Variants in VPS13B observed in about 807,000 individuals in gnomAD.
VPS13B encodes the protein vacuolar protein sorting 13 homolog B.
VPS13B carries 285 observed loss-of-function variants against 426.4 expected under a neutral mutation model. That is an observed-to-expected ratio of 0.67 (90% confidence interval 0.61 to 0.74). VPS13B has a LOEUF of 0.74. Ranked by LOEUF, VPS13B falls within the 30% of genes least tolerant of loss-of-function variation. VPS13B has a pLI of 0.00. For synonymous variants in VPS13B, 1,676 were observed against 1,676.4 expected (o/e 1.00, Z 0.01); for missense variants, 4,537 against 4,782.6 (o/e 0.95, Z 1.51).
chr8:99,161,901 T>C (rs1811678854), intron 15 of VPS13B, among the ~76,000 whole-genome samples: 1 of 152,004 alleles, frequency 6.6e-6, no homozygotes, highest in South Asian at 2.1e-4. Flanking sequence ...CCCAGCTAAT[T>C]TTTGTATTTT....
chr8:99,645,550 A>G (rs1354407946), intron 34 of VPS13B, among the ~76,000 whole-genome samples: 1 of 152,220 alleles, frequency 6.6e-6, no homozygotes, highest in East Asian at 1.9e-4. Flanking sequence ...ATATCAACAA[A>G]GTCCATTCCA....
At chr8:99,871,128 T>TACA in intron 60 of VPS13B, 2 of 599,950 alleles carry the variant, frequency 3.3e-6, no homozygotes, top group Middle Eastern at 9.1e-4. Flanking sequence ...AGGTCATACA[T>TACA]TGGCAGAGAA....
chr8:99,178,918 G>A lies in VPS13B; in HGVS notation c.2333+8755G>A, dbSNP rs188108650. On this transcript the variant is annotated intron_variant, in intron 16 of 61. Coordinates refer to ENST00000357162, the MANE Select transcript of VPS13B (RefSeq NM_152564.5). ...ATTACAGGTGTGAGCCACTGCGCCC[G>A]CCCTAGACATCTTTTGATTAATTGA... 6.0e-4 allele frequency among the ~76,000 whole-genome samples: 91 copies of A among 152,144 alleles called. No homozygotes were observed. In the South Asian group the frequency reaches 7.1e-3, roughly 12 times the overall value.
chr8:99,519,961 A>T (rs1822286376), intron 29 of VPS13B, among the ~76,000 whole-genome samples: 1 of 152,192 alleles, frequency 6.6e-6, no homozygotes, highest in Non-Finnish European at 1.5e-5. Flanking sequence ...AAAAAAATGT[A>T]AATGTAATGA....
chr8:99,481,453 G>A (rs1820034105), intron 24 of VPS13B, 146 bp from the exon 25 acceptor site: 1 of 891,548 alleles, frequency 1.1e-6, no homozygotes, highest in South Asian at 1.4e-5. Context: ...TCAAGTGTAA[G>A]TTAAAGTGAT....
intron 17 of VPS13B, among the ~76,000 whole-genome samples, chr8:99,195,163 T>C (rs1020491201): frequency 2.0e-5 from 3 of 152,162 alleles, no homozygotes; most frequent in Admixed American, 2.0e-4. Flanking sequence ...CCAATGGTAT[T>C]CTCTTTTTCT....
At chr8:99,372,174 C>T (rs1813221533) in intron 19 of VPS13B, among the ~76,000 whole-genome samples, 1 of 151,156 alleles carries the variant, frequency 6.6e-6, no homozygotes, top group South Asian at 2.1e-4. Context: ...TGGCGTGAAC[C>T]CCAGGGGGCG....
At chr8:99,740,474 G>A (rs538154119) in intron 39 of VPS13B, among the ~76,000 whole-genome samples, 10 of 152,032 alleles carry the variant, frequency 6.6e-5, no homozygotes, top group East Asian at 3.9e-4. Context: ...TACAGAGAAC[G>A]CCACAAAGAT....
intron 31 of VPS13B, among the ~76,000 whole-genome samples, chr8:99,573,094 A>G (rs1397950909): frequency 1.3e-5 from 2 of 152,200 alleles, no homozygotes; most frequent in Non-Finnish European, 2.9e-5. Flanking sequence ...GGCTGCATAA[A>G]TGTCTTCTTT....
At chr8:99,185,916 A>T (rs1813196739) in intron 16 of VPS13B, among the ~76,000 whole-genome samples, 1 of 152,144 alleles carries the variant, frequency 6.6e-6, no homozygotes, top group Non-Finnish European at 1.5e-5. Context: ...AGTATTTGTT[A>T]ATTAGGCCAT....
chr8:99,542,871 A>C (rs1391757946), intron 30 of VPS13B, among the ~76,000 whole-genome samples: 10 of 152,190 alleles, frequency 6.6e-5, no homozygotes, highest in Non-Finnish European at 1.3e-4. Context: ...TGCATATAAA[A>C]CATTTAAAAC....
chr8:99,471,060 C>A (rs1325195261), intron 24 of VPS13B, among the ~76,000 whole-genome samples: 2 of 151,916 alleles, frequency 1.3e-5, no homozygotes, highest in African/African-American at 4.8e-5. Context: ...AGATACCCCA[C>A]AGAAATGAAA....
chr8:99,324,024 A>G (rs1810116300), intron 19 of VPS13B, among the ~76,000 whole-genome samples: 1 of 152,206 alleles, frequency 6.6e-6, no homozygotes, highest in South Asian at 2.1e-4. Flanking sequence ...AGGCTGAGTT[A>G]CAAGCATCCA....
rs1816465038 is a variant in VPS13B, at chr8:99,233,487, A to C, written c.2515+40430A>C. 3 of 1,313,756 alleles carry C rather than the reference A, an allele frequency of 2.3e-6. No individual in the cohort carries two copies. The South Asian group carries it at 3.5e-5, about 15-fold the overall frequency. 81.4% of individuals were successfully genotyped at this position (1,313,756 alleles called of 1,614,324 possible). A position where few individuals can be genotyped will look rare whatever the true frequency, so the allele number is the denominator to read the frequency against. ...CCTGGGTTGGGATGAAGAGATTCAC[A>C]ATCTCCTGCTCTTGATAAGAATGCT... On this transcript the variant is annotated intron_variant, in intron 17 of 61. Coordinates refer to ENST00000357162, the MANE Select transcript of VPS13B (RefSeq NM_152564.5).
intron 25 of VPS13B, among the ~76,000 whole-genome samples, 174 bp from the exon 26 acceptor site, chr8:99,501,513 G>A (rs1170447801): frequency 6.6e-6 from 1 of 152,142 alleles, no homozygotes; most frequent in African/African-American, 2.4e-5. Flanking sequence ...CATTTGAGAA[G>A]TGTATGTTTA....
chr8:99,700,464 TTGG>T (rs1832219571), intron 36 of VPS13B, among the ~76,000 whole-genome samples: 1 of 152,242 alleles, frequency 6.6e-6, no homozygotes, highest in Non-Finnish European at 1.5e-5. Flanking sequence ...AAAAGAAAAG[TTGG>T]TGTTGTGGCA....
At chr8:99,199,480 A>T (rs549636102) in intron 17 of VPS13B, among the ~76,000 whole-genome samples, 1 of 152,166 alleles carries the variant, frequency 6.6e-6, no homozygotes, top group South Asian at 2.1e-4. Flanking sequence ...CCAGAACCAT[A>T]ATTTTTAAAG....
chr8:99,288,733 T>G (rs569566177), intron 19 of VPS13B, among the ~76,000 whole-genome samples: 1 of 152,258 alleles, frequency 6.6e-6, no homozygotes, highest in East Asian at 1.9e-4. Flanking sequence ...TGTGTCTTCT[T>G]TTTGATGTAT....
chr8:99,390,613 T>G (rs1449507761), intron 20 of VPS13B, among the ~76,000 whole-genome samples: 2 of 152,186 alleles, frequency 1.3e-5, no homozygotes, highest in African/African-American at 4.8e-5. Flanking sequence ...GTTGTGGTAC[T>G]GAAGATAACC....
Sources: allele counts gnomAD v4.1 joint callset (sites outside exome capture counted in the v4.1 genomes callset), GRCh38; gene constraint gnomAD v4.1.1; transcripts MANE v1.5; gene names NCBI Gene and HGNC (gene_info 2026-07-23, HGNC 2026-07-21).